The following GRM7 variants were observed in gnomAD, a reference collection of about 807,000 sequenced individuals.
GRM7 encodes the protein glutamate metabotropic receptor 7, also known as metabotropic glutamate receptor 7.
GRM7 carries 35 observed loss-of-function variants against 84.5 expected under a neutral mutation model. That is an observed-to-expected ratio of 0.41 (90% CI 0.32 to 0.55). GRM7 has a LOEUF of 0.55. Ranked by LOEUF, GRM7 falls within the 20% of genes least tolerant of loss-of-function variation. GRM7 has a pLI of 0.19. For synonymous variants in GRM7, 487 were observed against 455.1 expected (o/e 1.07, Z -0.89); for missense variants, 1,003 against 1,194.6 (o/e 0.84, Z 2.36).
At position 7,578,832 on chromosome 3, in the gene GRM7, C is replaced by A. The variant is rs1204639716; in HGVS notation, c.1926C>A (p.Ile642=). Residue 642 remains isoleucine (I), a synonymous_variant, in exon 8 of 10, where the codon ATC becomes ATA. Transcript: ENST00000357716. ...CGGGCATCTTTCTTTGCTACATCAT[C>A]ACTTTCCTGATGATTGCCAAACCAG... The part of the protein sequence containing the change: ...LLTGIFLCYI[I]TFLMIAKPDV... 4.3e-6 allele frequency: 7 copies of A among 1,614,072 alleles called. No individual in the cohort carries two copies. Among genetic ancestry groups the A allele is most frequent in the Non-Finnish European group, 5.9e-6 (7 of 1,180,036 alleles).
At chr3:7,382,796 G>A (rs1211639462) in intron 4 of GRM7, among the ~76,000 whole-genome samples, 2 of 152,228 alleles carry the variant, frequency 1.3e-5, no homozygotes, top group Non-Finnish European at 2.9e-5. Context: ...TTATATTAAG[G>A]AAGCAGACCT....
At chr3:7,081,339 T>G (rs1048980396) in intron 1 of GRM7, among the ~76,000 whole-genome samples, 26 of 152,128 alleles carry the variant, frequency 1.7e-4, no homozygotes, top group African/African-American at 6.3e-4. Flanking sequence ...TTTTTATACC[T>G]GTTAGGATTA....
chr3:7,103,339 A>G (rs1281786133), intron 1 of GRM7, among the ~76,000 whole-genome samples: 6 of 151,676 alleles, frequency 4.0e-5, no homozygotes, highest in African/African-American at 1.5e-4. Flanking sequence ...AGCCTCTCTA[A>G]TTTGGTAGGA....
intron 1 of GRM7, among the ~76,000 whole-genome samples, chr3:7,053,803 A>G (rs1697102475): frequency 6.6e-6 from 1 of 151,158 alleles, no homozygotes; most frequent in African/African-American, 2.4e-5. Flanking sequence ...TAAGTCCTTC[A>G]ATTTTATTTT....
intron 5 of GRM7, among the ~76,000 whole-genome samples, chr3:7,420,220 A>G (rs1696339243): frequency 1.3e-5 from 2 of 152,202 alleles, no homozygotes; most frequent in South Asian, 4.1e-4. Flanking sequence ...CAAAGGAATT[A>G]CGCTTAAAGT....
rs137973723 is a variant in GRM7 at position 7,167,322 on chromosome 3, G to A, written c.736+20654G>A. On this transcript the variant is annotated intron_variant, in intron 2 of 9. Transcript: ENST00000357716. ...TGTGACACAGGGCCCTCATCAGTATGTTGTGATGATAGCCTCACTTTTCCT... is the reference window on the plus strand; with the variant it reads ...TGTGACACAGGGCCCTCATCAGTATATTGTGATGATAGCCTCACTTTTCCT... Among the ~76,000 whole-genome samples, 88 of 152,282 alleles carry A rather than the reference G, an allele frequency of 5.8e-4. No homozygotes were observed. The South Asian group carries it at 8.5e-3, about 15-fold the overall frequency.
chr3:7,419,317 A>G (rs577809525), intron 5 of GRM7, among the ~76,000 whole-genome samples: 3 of 152,228 alleles, frequency 2.0e-5, no homozygotes, highest in East Asian at 1.9e-4. Context: ...CCAAGGCCCA[A>G]TGACATTTGG....
intron 4 of GRM7, among the ~76,000 whole-genome samples, chr3:7,412,149 T>C (rs1032948406): frequency 6.6e-6 from 1 of 152,178 alleles, no homozygotes; most frequent in Non-Finnish European, 1.5e-5. Flanking sequence ...GAGCTTTATT[T>C]TTCTGAATCA....
intron 2 of GRM7, among the ~76,000 whole-genome samples, chr3:7,215,884 C>T (rs190988745): frequency 1.3e-5 from 2 of 152,228 alleles, no homozygotes; most frequent in African/African-American, 4.8e-5. Flanking sequence ...ACTCAACTTT[C>T]CCGCCAACTG....
intron 4 of GRM7, among the ~76,000 whole-genome samples, chr3:7,340,407 G>A (rs1553563510): frequency 2.0e-5 from 3 of 152,244 alleles, no homozygotes; most frequent in South Asian, 4.1e-4. Flanking sequence ...CAGCAGGTGA[G>A]AGAGTGTGTA....
chr3:7,299,787 A>G (rs1192919771), intron 3 of GRM7, among the ~76,000 whole-genome samples: 2 of 152,122 alleles, frequency 1.3e-5, no homozygotes, highest in South Asian at 2.1e-4. Context: ...TTACATAGGT[A>G]CTGTAATTTA....
At chr3:7,323,259 A>C (rs1700855548) in intron 4 of GRM7, among the ~76,000 whole-genome samples, 1 of 152,174 alleles carries the variant, frequency 6.6e-6, no homozygotes, top group Admixed American at 6.5e-5. Context: ...AGCCTATCCC[A>C]CATAGTGCAT....
intron 9 of GRM7, among the ~76,000 whole-genome samples, chr3:7,734,247 C>T (rs113843339): frequency 9.7e-5 from 8 of 82,376 alleles, no homozygotes; most frequent in East Asian, 4.3e-4. Flanking sequence ...TTGGCAGGGG[C>T]GGGGGGGGGG....
intron 1 of GRM7, among the ~76,000 whole-genome samples, chr3:6,923,520 C>A (rs771978435): frequency 1.3e-5 from 2 of 152,172 alleles, no homozygotes; most frequent in South Asian, 2.1e-4. Flanking sequence ...CAAATGAAAT[C>A]TTTTGAGGAT....
intron 1 of GRM7, among the ~76,000 whole-genome samples, chr3:6,881,889 C>T (rs1291846668): frequency 6.7e-6 from 1 of 150,212 alleles, no homozygotes; most frequent in East Asian, 2.0e-4. Context: ...TTCATTTCTG[C>T]CACAATGATC....
At chr3:7,009,128 T>C (rs1010834475) in intron 1 of GRM7, among the ~76,000 whole-genome samples, 15 of 152,232 alleles carry the variant, frequency 9.9e-5, no homozygotes, top group Non-Finnish European at 2.2e-4. Flanking sequence ...CTTTATTCAT[T>C]TAAGCCAGTT....
At chr3:7,509,197 G>T (rs1700123241) in intron 7 of GRM7, among the ~76,000 whole-genome samples, 1 of 152,058 alleles carries the variant, frequency 6.6e-6, no homozygotes, top group African/African-American at 2.4e-5. Flanking sequence ...GGTGAGTACA[G>T]TCTAATAAGA....
intron 7 of GRM7, among the ~76,000 whole-genome samples, chr3:7,547,196 T>A (rs1306977856): frequency 4.5e-5 from 2 of 44,332 alleles, no homozygotes; most frequent in South Asian, 1.0e-3. Flanking sequence ...AGTGAATTCT[T>A]TTTTTTTTTT....
At chr3:7,144,541 A>C (rs1388171321) in intron 1 of GRM7, among the ~76,000 whole-genome samples, 1 of 152,162 alleles carries the variant, frequency 6.6e-6, no homozygotes, top group East Asian at 1.9e-4. Flanking sequence ...AATGTGGGGA[A>C]TCGATAACTT....
Sources: allele counts gnomAD v4.1 joint callset (sites outside exome capture counted in the v4.1 genomes callset), GRCh38; gene constraint gnomAD v4.1.1; transcripts MANE v1.5; gene names NCBI Gene and HGNC (gene_info 2026-07-23, HGNC 2026-07-21).